NUTM1: variants seen among roughly 807,000 people sequenced by gnomAD.
The protein encoded by NUTM1 is NUT midline carcinoma family member 1.
In NUTM1, 39 loss-of-function variants were observed where a neutral mutation model predicts 88.7. The observed-to-expected ratio is 0.44, with a 90% CI of 0.34 to 0.57. The LOEUF is 0.57. NUTM1 is among the 20% of genes least tolerant of loss of function. NUTM1 has a pLI of 0.01. For missense variants in NUTM1, 1,350 were observed against 1,414.5 expected (o/e 0.95, Z 0.73); for synonymous variants, 494 against 538.0 (o/e 0.92, Z 1.13).
intron 1 of NUTM1, chr15:34,345,719 T>A (rs80154739): frequency 0.013 from 7,221 of 550,434 alleles, 73 homozygotes; most frequent in Non-Finnish European, 0.018. Flanking sequence ...CAAATAGCCC[T>A]AAAGAGGCAA....
intron 4 of NUTM1, among the ~76,000 whole-genome samples, chr15:34,351,039 C>T (rs201482855): frequency 2.7e-5 from 4 of 150,296 alleles, no homozygotes; most frequent in Non-Finnish European, 4.4e-5. Flanking sequence ...GCCAACATGG[C>T]GAAACCCTGT....
chr15:34,344,606 G>A (rs1890551688), intron 1 of NUTM1, among the ~76,000 whole-genome samples: 1 of 152,110 alleles, frequency 6.6e-6, no homozygotes, highest in Non-Finnish European at 1.5e-5. Flanking sequence ...GGTTTCCTCT[G>A]GGATAGAGAA....
In NUTM1 at chr15:34,356,859, C is replaced by G. The variant is rs376848424; in HGVS notation, c.2851C>G (p.Leu951Val). Residue 951 changes from leucine (L) to valine (V), a missense_variant, in exon 8 of 8, where the codon CTG becomes GTG. Coordinates refer to ENST00000537011, the MANE Select transcript of NUTM1 (RefSeq NM_001284292.2). ...AAGGGTCAGCGAGGACACCTGCCCA[C>G]TGAATGTTCATTCTTATGACCCCCA... ...QLRVSEDTCP[L>V]NVHSYDPQGE... is the part of the protein sequence containing the mutation. 4.0e-5 allele frequency: 64 copies of G among 1,612,790 alleles called. No individual in the cohort carries two copies. Among genetic ancestry groups the G allele is most frequent in the Non-Finnish European group, 5.0e-5 (59 of 1,179,846 alleles).
intron 4 of NUTM1, among the ~76,000 whole-genome samples, chr15:34,351,097 A>G (rs1185508605): frequency 6.6e-6 from 1 of 151,492 alleles, no homozygotes; most frequent in Non-Finnish European, 1.5e-5. Flanking sequence ...GCATGGTGGC[A>G]TGTGCCTGTA....
chr15:34,353,094 C>T (rs1890739086), intron 4 of NUTM1, among the ~76,000 whole-genome samples: 1 of 151,762 alleles, frequency 6.6e-6, no homozygotes, highest in South Asian at 2.1e-4. Context: ...ACTATGTTGG[C>T]CAGGCTGGTC....
At position 34,357,126 on chromosome 15, in the gene NUTM1, G is replaced by A; in HGVS notation, c.3118G>A (p.Glu1040Lys). The change falls in exon 8 of 8, where the codon GAA becomes AAA. Residue 1040 changes from glutamate to lysine, a missense_variant. This residue lies in a region of NUTM1 where 730 missense variants were observed against 728.8 expected (regional missense o/e 1.00). Transcript: ENST00000537011. ...GGAGAAAAAGAAAAAGGAAGCAGAG[G>A]AAGAGGATGAGGAACTCTCCAACTT... The part of the protein sequence containing the change: ...GKEKKKKEAE[E>K]EDEELSNFAY... 1 of 1,614,184 alleles carries A rather than the reference G, an allele frequency of 6.2e-7. No homozygotes were observed. The highest frequency in any genetic ancestry group is 8.5e-7 in the Non-Finnish European group (1 of 1,180,034).
chr15:34,351,025 C>A (rs111425633), intron 4 of NUTM1, among the ~76,000 whole-genome samples, 193 bp downstream of exon 4: 11 of 151,742 alleles, frequency 7.2e-5, no homozygotes, highest in African/African-American at 2.4e-4. Flanking sequence ...TCGAGAACAG[C>A]CTGGCCAACA....
chr15:34,356,898 G>A lies in NUTM1; in HGVS notation c.2890G>A (p.Val964Met), dbSNP rs760081831. The A allele has an allele frequency of 6.2e-7, 1 of 1,613,460 alleles. No homozygotes were observed. The highest frequency in any genetic ancestry group is 1.1e-5 in the South Asian group (1 of 91,028). The change falls in exon 8 of 8, where the codon GTG becomes ATG. Residue 964 changes from valine (V) to methionine (M), a missense_variant. Val to Met is a conservative substitution (Grantham distance 21). Coordinates refer to ENST00000537011, the MANE Select transcript of NUTM1 (RefSeq NM_001284292.2). ...HSYDPQGEGR[V>M]DPDLSKPKNL... is the part of the protein sequence containing the mutation. ...TTATGACCCCCAAGGAGAAGGCAGG[G>A]TGGATCCTGATCTGTCCAAGCCTAA...
Position 34,343,421 on chromosome 15 carries a change from G to A in NUTM1, c.-276G>A, listed in dbSNP as rs1213072285. 1 of 639,694 alleles carries A rather than the reference G, an allele frequency of 1.6e-6. No individual in the cohort carries two copies. The highest frequency in any genetic ancestry group is 2.9e-5 in the Admixed American group (1 of 34,042). The allele number at this position is 639,694 out of a possible 1,614,324, so 39.6% of individuals were successfully genotyped here. On this transcript the variant is annotated 5_prime_UTR_variant, in exon 1 of 8. Coordinates refer to ENST00000537011, the MANE Select transcript of NUTM1 (RefSeq NM_001284292.2). ...GTCTCAAGATACACACCCATTTCAG[G>A]AGCAGTGAGTTTTCAATGCCTGAAG...
intron 4 of NUTM1, among the ~76,000 whole-genome samples, chr15:34,351,440 G>T (rs1240925228): frequency 1.3e-5 from 2 of 151,546 alleles, no homozygotes; most frequent in African/African-American, 2.4e-5. Flanking sequence ...TGTAGACTAG[G>T]ATGGCAGTTT....
At position 34,357,533 on chromosome 15, in the gene NUTM1, G is replaced by T. The variant is rs768218033; in HGVS notation, c.*42G>T. ...CTGACCCCACTTGCCAGTCCCTAAA[G>T]GTGGGTGCCCCAGAGTAGATTCCAC... On this transcript the variant is annotated 3_prime_UTR_variant, in exon 8 of 8. Transcript: ENST00000537011. 1 of 1,611,602 alleles carries T rather than the reference G, an allele frequency of 6.2e-7. No individual in the cohort carries two copies. The highest frequency in any genetic ancestry group is 1.7e-5 in the Admixed American group (1 of 59,976).
rs1278004131 is a variant in NUTM1, at chr15:34,357,213, C to T, written c.3205C>T (p.His1069Tyr). The T allele has an allele frequency of 1.9e-6, 3 of 1,614,056 alleles. No homozygotes were observed. The highest frequency in any genetic ancestry group is 2.5e-6 in the Non-Finnish European group (3 of 1,180,052). The change falls in exon 8 of 8, where the codon CAT becomes TAT. Residue 1069 changes from histidine to tyrosine, a missense_variant. His to Tyr is a moderately conservative substitution (Grantham distance 83). Around this residue, in one of 5 missense-constraint regions of NUTM1, gnomAD observed 730 missense variants for 728.8 expected, o/e 1.00. Coordinates refer to ENST00000537011, the MANE Select transcript of NUTM1 (RefSeq NM_001284292.2). ...SPREHPLSPH[H>Y]ASGGQGSQRA... The stretch of plus-strand genomic sequence containing the variant: ...AAGGGAGCATCCCCTCAGTCCTCAC[C>T]ATGCCTCAGGAGGTCAGGGCAGCCA...
At chr15:34,350,286 C>T (rs1890681446) in intron 3 of NUTM1, among the ~76,000 whole-genome samples, 1 of 152,156 alleles carries the variant, frequency 6.6e-6, no homozygotes, top group Admixed American at 6.5e-5. Flanking sequence ...ATTAGAGATT[C>T]CTTTGGGTTA....
Position 34,355,497 on chromosome 15 carries a change from A to G in NUTM1, c.1489A>G (p.Lys497Glu), listed in dbSNP as rs1203060525. 6.2e-7 allele frequency: 1 copy of G among 1,614,170 alleles called. No individual in the cohort carries two copies. Residue 497 changes from lysine to glutamate, a missense_variant, in exon 8 of 8, where the codon AAG becomes GAG. Around this residue, in one of 5 missense-constraint regions of NUTM1, gnomAD observed 126 missense variants for 189.8 expected, o/e 0.66. Transcript: ENST00000537011. The surrounding 1 kb of genome is among the most constrained non-coding windows in gnomAD (Gnocchi z 4.3). ...TGTTCATTTCTTTCAGCTGGTCCAG[A>G]AGCGACTCATGGCCTTGGAAGAGGA... is the stretch of plus-strand genomic sequence containing the variant. ...EGLTLAQLVQ[K>E]RLMALEEEED...
Position 34,354,686 on chromosome 15 carries a change from T to C in NUTM1, c.1316T>C (p.Leu439Pro), listed in dbSNP as rs757163545. 5.0e-6 allele frequency: 8 copies of C among 1,614,086 alleles called. No homozygotes were observed. The highest frequency in any genetic ancestry group is 6.8e-6 in the Non-Finnish European group (8 of 1,180,008). Residue 439 changes from leucine to proline, a missense_variant, in exon 6 of 8, where the codon CTG (leucine) becomes CCG (proline). Transcript: ENST00000537011. ...EEGMYPDPGL[L>P]SYINELCSQK... The stretch of plus-strand genomic sequence containing the variant: ...GGGATGTATCCAGATCCAGGTCTCC[T>C]GAGCTACATCAATGAGCTGTGTTCT...
At chr15:34,352,393 G>A (rs1338856213) in intron 4 of NUTM1, among the ~76,000 whole-genome samples, 1 of 152,056 alleles carries the variant, frequency 6.6e-6, no homozygotes, top group African/African-American at 2.4e-5. Flanking sequence ...AGGTCTTGAG[G>A]AGGATCCCAC....
At chr15:34,353,958 T>G in intron 5 of NUTM1, 86 bp downstream of exon 5, 9 of 1,435,460 alleles carry the variant, frequency 6.3e-6, no homozygotes, top group Non-Finnish European at 8.6e-6. Flanking sequence ...AGAGAAGGCA[T>G]AGCCCAGGCT....
chr15:34,347,281 A>T, intron 2 of NUTM1, among the ~76,000 whole-genome samples: 1 of 150,074 alleles, frequency 6.7e-6, no homozygotes, highest in East Asian at 2.0e-4. Context: ...TTTTTGAGAC[A>T]GAGTTTTCCT....
chr15:34,357,423 C>T lies in NUTM1; in HGVS notation c.3415C>T (p.Gln1139Ter), dbSNP rs553369837. The T allele has an allele frequency of 1.9e-6, 3 of 1,613,862 alleles. No homozygotes were observed. Among genetic ancestry groups the T allele is most frequent in the African/African-American group, 2.7e-5 (2 of 75,050 alleles). ...AGCTCTGGGAGTAGTTCGACCCTCA[C>T]AGCCTCGTAAAAGGCGGTGTGACAG... Reference protein sequence around the residue: ...PLALGVVRPSQPRKRRCDSFV... With the variant: ...PLALGVVRPS Residue 1139 changes from glutamine to a stop codon, truncating the protein, a stop_gained, in exon 8 of 8, where the codon CAG becomes TAG. Coordinates refer to ENST00000537011, the MANE Select transcript of NUTM1 (RefSeq NM_001284292.2). LOFTEE classifies it high-confidence loss of function.
Sources: gnomAD v4.1 joint callset for allele counts (sites outside exome capture counted in the v4.1 genomes callset) on GRCh38, gnomAD v4.1.1 for gene constraint, gnomAD v4.1.1 regional missense constraint, Gnocchi (gnomAD v3.1) non-coding constraint, MANE v1.5 for transcripts, NCBI Gene and HGNC (gene_info 2026-07-23, HGNC 2026-07-21) for gene names.